The following FHIT variants were observed in gnomAD, a reference collection of about 807,000 sequenced individuals.
The protein encoded by FHIT is bis(5'-adenosyl)-triphosphatase.
A neutral mutation model predicts 17.9 loss-of-function variants in FHIT; 19 were observed. The observed-to-expected ratio is 1.06, with a 90% CI of 0.74 to 1.56. FHIT has a LOEUF of 1.56. Among genes scored for constraint, FHIT ranks in the 40% most tolerant of loss-of-function variants. The pLI is 0.00. For missense variants in FHIT, 248 were observed against 189.2 expected (o/e 1.31, Z -1.82); for synonymous variants, 81 against 69.7 (o/e 1.16, Z -0.81).
At chr3:60,670,217 T>C (rs1248423671) in intron 4 of FHIT, among the ~76,000 whole-genome samples, 1 of 152,218 alleles carries the variant, frequency 6.6e-6, no homozygotes, top group African/African-American at 2.4e-5. Flanking sequence ...CATTAGCATA[T>C]GGTGTAGGAA....
At chr3:60,144,403 C>A (rs116478718) in intron 5 of FHIT, among the ~76,000 whole-genome samples, 1,575 of 152,228 alleles carry the variant, frequency 0.01, 21 homozygotes, top group African/African-American at 0.036. Context: ...TTTCTCCAAC[C>A]AACTTTGCCT....
chr3:60,415,026 G>A (rs1702193194), intron 5 of FHIT, among the ~76,000 whole-genome samples: 2 of 152,112 alleles, frequency 1.3e-5, no homozygotes, highest in South Asian at 2.1e-4. Flanking sequence ...AGTTTCTGAT[G>A]GAATCAGATG....
At chr3:61,059,697 T>C (rs541520056) in intron 2 of FHIT, among the ~76,000 whole-genome samples, 1 of 152,330 alleles carries the variant, frequency 6.6e-6, no homozygotes, top group African/African-American at 2.4e-5. Flanking sequence ...CATCAGGCCA[T>C]CAAGGGCAGG....
chr3:59,989,289 T>C (rs927898796), intron 7 of FHIT, among the ~76,000 whole-genome samples: 5 of 152,040 alleles, frequency 3.3e-5, no homozygotes, highest in African/African-American at 1.2e-4. Context: ...GCCTTTTCAC[T>C]AGGTCAGTTT....
At chr3:61,027,787 G>GTGTGAGAA (rs2032812206) in intron 3 of FHIT, among the ~76,000 whole-genome samples, 1 of 152,212 alleles carries the variant, frequency 6.6e-6, no homozygotes, top group Non-Finnish European at 1.5e-5. Context: ...CCAAAGCAGT[G>GTGTGAGAA]TGTGAGAATC....
At chr3:60,899,795 G>A (rs1402631693) in intron 3 of FHIT, among the ~76,000 whole-genome samples, 2 of 152,238 alleles carry the variant, frequency 1.3e-5, no homozygotes, top group African/African-American at 4.8e-5. Context: ...CATAATCCCA[G>A]GATTTTAAAA....
chr3:59,968,797 T>C (rs529744451), intron 7 of FHIT, among the ~76,000 whole-genome samples: 2 of 152,344 alleles, frequency 1.3e-5, no homozygotes, highest in East Asian at 1.9e-4. Context: ...ACAAAAGCGC[T>C]TGCTGTCAAA....
chr3:60,469,824 A>G (rs946670535), intron 5 of FHIT, among the ~76,000 whole-genome samples: 1 of 152,072 alleles, frequency 6.6e-6, no homozygotes, highest in Non-Finnish European at 1.5e-5. Context: ...ACATGGGTGT[A>G]GTCATCTAAG....
chr3:60,822,129 A>C (rs1405447508), intron 3 of FHIT, 118 bp from the exon 4 acceptor site: 1 of 152,222 alleles, frequency 6.6e-6, no homozygotes, highest in Non-Finnish European at 1.5e-5. Context: ...AGGTATTGTT[A>C]AAAGGGCAGA....
intron 8 of FHIT, among the ~76,000 whole-genome samples, chr3:59,775,818 C>T (rs577484033): frequency 1.3e-5 from 2 of 152,298 alleles, no homozygotes; most frequent in Admixed American, 6.5e-5. Flanking sequence ...CAGATGGCCT[C>T]TGAGAGGATG....
rs1700555276 is a variant in FHIT, at chr3:60,785,897, ACACACAC to A, written c.-18+36015_-18+36021del. Among the ~76,000 whole-genome samples the A allele has an allele frequency of 1.3e-3, 178 of 133,588 alleles. 1 individual carries two copies. The highest frequency in any genetic ancestry group is 3.8e-3 in the African/African-American group (139 of 36,984). The allele number at this position is 133,588 out of a possible 152,430, so 87.6% of individuals were successfully genotyped here. On this transcript the variant is annotated intron_variant, in intron 4 of 9. Transcript: ENST00000492590. ...CTAACTCAAATGCAACAAACAGAAG[ACACACAC>A]ACACACACACACACACACACACACA...
intron 1 of FHIT, among the ~76,000 whole-genome samples, chr3:61,214,082 T>A (rs2039586077): frequency 6.6e-6 from 1 of 151,804 alleles, no homozygotes; most frequent in Non-Finnish European, 1.5e-5. Context: ...CACCCTAACA[T>A]CACAATTACA....
At chr3:60,265,199 C>A (rs1706508076) in intron 5 of FHIT, among the ~76,000 whole-genome samples, 1 of 151,926 alleles carries the variant, frequency 6.6e-6, no homozygotes, top group Non-Finnish European at 1.5e-5. Flanking sequence ...AACATTTCTG[C>A]TGAAGTACAC....
At chr3:61,056,568 T>C (rs1006326424) in intron 2 of FHIT, among the ~76,000 whole-genome samples, 1 of 152,166 alleles carries the variant, frequency 6.6e-6, no homozygotes, top group Non-Finnish European at 1.5e-5. Flanking sequence ...GGCCTTCCCA[T>C]GTCAATGACA....
chr3:60,410,441 A>G (rs946781268), intron 5 of FHIT, among the ~76,000 whole-genome samples: 1 of 152,214 alleles, frequency 6.6e-6, no homozygotes, highest in Non-Finnish European at 1.5e-5. Context: ...AGCAATTATT[A>G]ATAAATTCTC....
chr3:60,590,996 T>C (rs1241171165), intron 4 of FHIT, among the ~76,000 whole-genome samples: 1 of 152,000 alleles, frequency 6.6e-6, no homozygotes, highest in Non-Finnish European at 1.5e-5. Context: ...TGCTTAATCA[T>C]AGAAGTTCAC....
At chr3:60,153,154 T>G (rs933576413) in intron 5 of FHIT, among the ~76,000 whole-genome samples, 1 of 152,160 alleles carries the variant, frequency 6.6e-6, no homozygotes, top group Middle Eastern at 3.2e-3. Flanking sequence ...ATGATCTTCA[T>G]AAAAATTCTG....
intron 4 of FHIT, among the ~76,000 whole-genome samples, chr3:60,663,867 G>A (rs1464946126): frequency 6.6e-6 from 1 of 152,156 alleles, no homozygotes; most frequent in Non-Finnish European, 1.5e-5. Context: ...CTGCACCCTT[G>A]CTGAACTCAC....
Position 60,265,900 on chromosome 3 carries a change from C to A in FHIT, c.104-251748G>T, listed in dbSNP as rs977417361. Among the ~76,000 whole-genome samples the A allele has an allele frequency of 1.4e-4, 21 of 151,434 alleles. 1 individual carries two copies. Among genetic ancestry groups the A allele is most frequent in the Admixed American group, 6.6e-5 (1 of 15,148 alleles). ...TCACCATTTGGCACCCACAAGGTCA[C>A]CTATAACTAAAAAAAAATTAATAAT... On this transcript the variant is annotated intron_variant, in intron 5 of 9. Transcript: ENST00000492590.
Sources: allele counts gnomAD v4.1 joint callset (sites outside exome capture counted in the v4.1 genomes callset), GRCh38; gene constraint gnomAD v4.1.1; transcripts MANE v1.5; gene names NCBI Gene and HGNC (gene_info 2026-07-23, HGNC 2026-07-21).